The following NABP2 variants were observed in gnomAD, a reference collection of about 807,000 sequenced individuals.
NABP2 encodes the protein SOSS complex subunit B1.
NABP2 carries 7 observed loss-of-function variants against 22.7 expected under a neutral mutation model. That is an observed-to-expected ratio of 0.31 (90% confidence interval 0.18 to 0.58). The LOEUF is 0.58. Ranked by LOEUF, NABP2 falls within the 20% of genes least tolerant of loss-of-function variation. The pLI is 0.89. For synonymous variants in NABP2, 107 were observed against 99.2 expected, an observed-to-expected ratio of 1.08 and a Z score of -0.47; for missense variants, 188 against 265.9, an observed-to-expected ratio of 0.71 and a Z score of 2.04.
At chr12:56,227,145 C>T (rs1230370020) in intron 6 of NABP2, among the ~76,000 whole-genome samples, 3 of 151,764 alleles carry the variant, frequency 2.0e-5, no homozygotes, top group Admixed American at 6.6e-5. Flanking sequence ...GAGGCCAAGG[C>T]TGGCAGATCA....
At chr12:56,225,571 C>G in intron 3 of NABP2, 53 bp from the exon 4 acceptor site, 1 of 1,614,136 alleles carries the variant, frequency 6.2e-7, no homozygotes. Flanking sequence ...GTGGGGTTAA[C>G]AGTCCCTATA....
At chr12:56,226,883 CCTG>C (rs1367325067) in intron 6 of NABP2, among the ~76,000 whole-genome samples, 1 of 151,462 alleles carries the variant, frequency 6.6e-6, no homozygotes, top group African/African-American at 2.4e-5. Context: ...GCCACCATGC[CCTG>C]CTAATTTTTT....
intron 2 of NABP2, 102 bp downstream of exon 2, chr12:56,225,037 C>A: frequency 1.2e-6 from 1 of 842,918 alleles, no homozygotes; most frequent in Non-Finnish European, 1.9e-6. Flanking sequence ...GCAAGGCAAG[C>A]TGCAAGACAC....
chr12:56,225,783 C>T (rs1192487145), intron 4 of NABP2, 88 bp downstream of exon 4: 1 of 1,290,766 alleles, frequency 7.7e-7, no homozygotes, highest in African/African-American at 1.5e-5. Flanking sequence ...GTCCAAGCCT[C>T]ATTTCTGGAC....
At chr12:56,226,524 G>C (rs1869773060) in intron 6 of NABP2, 105 bp downstream of exon 6, 1 of 743,790 alleles carries the variant, frequency 1.3e-6, no homozygotes, top group Non-Finnish European at 2.3e-6. Flanking sequence ...TCTTTTCTCA[G>C]TGTATCCTCC....
upstream of NABP2, chr12:56,224,189 A>G (rs1273724988): frequency 5.9e-6 from 2 of 337,070 alleles, no homozygotes; most frequent in Non-Finnish European, 8.4e-6. Flanking sequence ...ACTATCTCCA[A>G]GGTTCCTTTA....
chr12:56,229,087 T>TTGGGGGGGC lies in NABP2; in HGVS notation c.510_511insTGGGGGGGC (p.Thr170_Pro171insTrpGlyGly). 6.6e-7 allele frequency: 1 copy of TTGGGGGGGC among 1,512,346 alleles called. No homozygotes were observed. The highest frequency in any genetic ancestry group is 9.1e-7 in the Non-Finnish European group (1 of 1,102,014). The allele number at this position is 1,512,346 out of a possible 1,614,324, so 93.7% of individuals were successfully genotyped here. A position where few individuals can be genotyped will look rare whatever the true frequency, so the allele number is the denominator to read the frequency against. ...GTGGTGGCCCACATCCCCCTCATAC[T>TTGGGGGGGC]CCCTCCCACCCACCCAGCACCCGAA... On this transcript the variant is annotated inframe_insertion, in exon 7 of 7. Transcript: ENST00000267023.
chr12:56,222,243 T>A (rs1036476851), upstream of NABP2: 2 of 152,260 alleles, frequency 1.3e-5, no homozygotes, highest in Non-Finnish European at 2.9e-5. Context: ...GCGAGATCAT[T>A]GCGGAGAGGC....
Position 56,229,087 on chromosome 12 carries a change from T to TTGCCACA in NABP2, c.510_511insTGCCACA (p.Pro171CysfsTer32). 2 of 1,512,344 alleles carry TTGCCACA rather than the reference T, an allele frequency of 1.3e-6. No individual in the cohort carries two copies. Among genetic ancestry groups the TTGCCACA allele is most frequent in the Non-Finnish European group, 1.8e-6 (2 of 1,102,012 alleles). 93.7% of individuals were successfully genotyped at this position (1,512,344 alleles called of 1,614,324 possible). On this transcript the variant is annotated frameshift_variant, in exon 7 of 7. Coordinates refer to ENST00000267023, the MANE Select transcript of NABP2 (RefSeq NM_024068.4). LOFTEE classifies it high-confidence loss of function. Reference sequence around the variant, plus strand: ...GTGGTGGCCCACATCCCCCTCATACTCCCTCCCACCCACCCAGCACCCGAA... The same window carrying TTGCCACA: ...GTGGTGGCCCACATCCCCCTCATACTTGCCACACCCTCCCACCCACCCAGCACCCGAA...
upstream of NABP2, chr12:56,223,535 TCAAAA>T (rs1411546901): frequency 2.0e-5 from 1 of 49,700 alleles, no homozygotes; most frequent in Non-Finnish European, 5.1e-5. Context: ...AGACCCTGTT[TCAAAA>T]AAAAAAAAAA....
chr12:56,224,247 T>A, upstream of NABP2: 1 of 822,014 alleles, frequency 1.2e-6, no homozygotes, highest in African/African-American at 1.8e-5. Context: ...CTGATCCCGA[T>A]TGGCTGGGCA....
upstream of NABP2, chr12:56,222,099 C>T (rs1869512620): frequency 6.6e-6 from 1 of 152,280 alleles, no homozygotes; most frequent in Admixed American, 6.5e-5. Flanking sequence ...CTATATGGTC[C>T]CAGCCAGGAC....
At position 56,229,091 on chromosome 12, in the gene NABP2, T is replaced by TCCCCC; in HGVS notation, c.517_518insCCCCC (p.His173ProfsTer62). 2.5e-6 allele frequency: 1 copy of TCCCCC among 401,564 alleles called. No individual in the cohort carries two copies. The highest frequency in any genetic ancestry group is 4.4e-6 in the Non-Finnish European group (1 of 225,758). The allele number at this position is 401,564 out of a possible 1,614,324, so 24.9% of individuals were successfully genotyped here. A position where few individuals can be genotyped will look rare whatever the true frequency, so the allele number is the denominator to read the frequency against. On this transcript the variant is annotated frameshift_variant, in exon 7 of 7. Coordinates refer to ENST00000267023, the MANE Select transcript of NABP2 (RefSeq NM_024068.4). LOFTEE classifies it high-confidence loss of function. The stretch of plus-strand genomic sequence containing the variant: ...TGGCCCACATCCCCCTCATACTCCC[T>TCCCCC]CCCACCCACCCAGCACCCGAATCAC...
At position 56,229,087 on chromosome 12, in the gene NABP2, T is replaced by TTCCCGCCCC; in HGVS notation, c.510_511insTCCCGCCCC (p.Thr170_Pro171insSerArgPro). 2 of 1,512,344 alleles carry TTCCCGCCCC rather than the reference T, an allele frequency of 1.3e-6. No individual in the cohort carries two copies. Among genetic ancestry groups the TTCCCGCCCC allele is most frequent in the Non-Finnish European group, 9.1e-7 (1 of 1,102,012 alleles). The allele number at this position is 1,512,344 out of a possible 1,614,324, so 93.7% of individuals were successfully genotyped here. On this transcript the variant is annotated inframe_insertion, in exon 7 of 7. Transcript: ENST00000267023. ...GTGGTGGCCCACATCCCCCTCATAC[T>TTCCCGCCCC]CCCTCCCACCCACCCAGCACCCGAA...
chr12:56,225,454 T>C lies in NABP2; in HGVS notation c.161T>C (p.Val54Ala). 1 of 1,614,216 alleles carries C rather than the reference T, an allele frequency of 6.2e-7. No individual in the cohort carries two copies. Among genetic ancestry groups the C allele is most frequent in the Non-Finnish European group, 8.5e-7 (1 of 1,180,048 alleles). Residue 54 changes from valine (V) to alanine (A), a missense_variant, in exon 3 of 7, where the codon GTC (valine) becomes GCC (alanine). Coordinates refer to ENST00000267023, the MANE Select transcript of NABP2 (RefSeq NM_024068.4). ...ADKTGSINISVWDDVGNLIQP... is the reference protein window; with the variant it reads ...ADKTGSINISAWDDVGNLIQP... ...AAAACAGGCAGCATCAATATCTCTG[T>C]CTGGGACGATGTTGGCAATCTGATC...
chr12:56,224,974 C>T (rs1383175748), intron 2 of NABP2, 39 bp downstream of exon 2: 1 of 863,620 alleles, frequency 1.2e-6, no homozygotes, highest in Non-Finnish European at 1.8e-6. Context: ...GGATGGGGGT[C>T]GGGGGCAGGA....
At chr12:56,226,943 C>G (rs945964783) in intron 6 of NABP2, among the ~76,000 whole-genome samples, 9 of 150,798 alleles carry the variant, frequency 6.0e-5, no homozygotes, top group African/African-American at 2.2e-4. Context: ...AGGCTGGTCT[C>G]GAACTCCTGA....
chr12:56,227,231 C>A (rs903838943), intron 6 of NABP2, among the ~76,000 whole-genome samples: 1 of 151,944 alleles, frequency 6.6e-6, no homozygotes, highest in Admixed American at 6.6e-5. Flanking sequence ...CAAAAATTAG[C>A]CAGATGTGGT....
chr12:56,225,745 T>C, intron 4 of NABP2, 50 bp downstream of exon 4: 1 of 1,585,208 alleles, frequency 6.3e-7, no homozygotes. Context: ...GGCAAAGGGG[T>C]TTGCAAGGAG....
Sources: gnomAD v4.1 joint callset for allele counts (sites outside exome capture counted in the v4.1 genomes callset) on GRCh38, gnomAD v4.1.1 for gene constraint, MANE v1.5 for transcripts, NCBI Gene and HGNC (gene_info 2026-07-23, HGNC 2026-07-21) for gene names.